Variants in SAMD12 observed in about 807,000 individuals in gnomAD.
SAMD12 encodes the protein sterile alpha motif domain-containing protein 12.
SAMD12 carries 9 observed loss-of-function variants against 15.0 expected under a neutral mutation model. The observed-to-expected ratio is 0.60, with a 90% confidence interval of 0.36 to 1.05. The LOEUF (loss-of-function observed/expected upper bound fraction) is 1.05. SAMD12 is among the 50% of genes least tolerant of loss of function. SAMD12 has a pLI of 0.01. For synonymous variants in SAMD12, 86 were observed against 90.1 expected, an observed-to-expected ratio of 0.96 and a Z score of 0.25; for missense variants, 230 against 234.2, an observed-to-expected ratio of 0.98 and a Z score of 0.12.
chr8:118,406,181 G>A (rs1463705823), intron 3 of SAMD12, among the ~76,000 whole-genome samples: 6 of 150,816 alleles, frequency 4.0e-5, no homozygotes, highest in African/African-American at 1.5e-4. Context: ...TTCTTATCAG[G>A]AAATTAGATT....
At chr8:118,508,303 C>T (rs1424880234) in intron 2 of SAMD12, among the ~76,000 whole-genome samples, 2 of 151,996 alleles carry the variant, frequency 1.3e-5, no homozygotes, top group Non-Finnish European at 1.5e-5. Context: ...ATGGGTGCAG[C>T]ACATCAACAT....
At chr8:118,559,719 G>T (rs1826652433) in intron 2 of SAMD12, among the ~76,000 whole-genome samples, 1 of 152,078 alleles carries the variant, frequency 6.6e-6, no homozygotes, top group Admixed American at 6.6e-5. Flanking sequence ...TTGTGTAGAA[G>T]TTAGGTGACA....
intron 4 of SAMD12, among the ~76,000 whole-genome samples, chr8:118,320,101 C>G (rs1816153934): frequency 6.6e-6 from 1 of 152,028 alleles, no homozygotes; most frequent in African/African-American, 2.4e-5. Context: ...AGCAAGAGAG[C>G]CCCTTGAAGA....
intron 1 of SAMD12, among the ~76,000 whole-genome samples, chr8:118,610,292 T>C (rs1279826507): frequency 6.6e-6 from 1 of 152,198 alleles, no homozygotes; most frequent in Non-Finnish European, 1.5e-5. Context: ...ATTAAGTAAT[T>C]TTTTGTTTTA....
At chr8:118,294,001 T>G (rs1306753936) in intron 4 of SAMD12, among the ~76,000 whole-genome samples, 2 of 152,212 alleles carry the variant, frequency 1.3e-5, no homozygotes, top group Non-Finnish European at 2.9e-5. Context: ...CAAAGTAACA[T>G]TTAGCAAAAC....
At chr8:118,152,866 C>T in the SAMD12 span, among the ~76,000 whole-genome samples, 1 of 152,160 alleles carries the variant, frequency 6.6e-6, no homozygotes, top group Non-Finnish European at 1.5e-5. Context: ...GATTTGTTCC[C>T]AGTGCTTTAT....
intron 2 of SAMD12, among the ~76,000 whole-genome samples, chr8:118,579,322 G>C (rs969379288): frequency 6.6e-5 from 10 of 152,022 alleles, no homozygotes; most frequent in African/African-American, 2.4e-4. Flanking sequence ...CTTTCAAGAT[G>C]CCCATGTATT....
chr8:118,549,382 C>T (rs1204066752), intron 2 of SAMD12, among the ~76,000 whole-genome samples: 4 of 152,262 alleles, frequency 2.6e-5, no homozygotes. Context: ...CGAAAAACCA[C>T]TGTTCTGCAG....
the SAMD12 span, among the ~76,000 whole-genome samples, chr8:118,163,327 G>A: frequency 2.0e-5 from 3 of 152,136 alleles, no homozygotes; most frequent in East Asian, 1.9e-4. Context: ...CAATCCTCCT[G>A]CTTCAGCCTC....
chr8:118,406,121 T>C (rs1030510729), intron 3 of SAMD12, among the ~76,000 whole-genome samples: 1 of 152,038 alleles, frequency 6.6e-6, no homozygotes, highest in Non-Finnish European at 1.5e-5. Context: ...AGAAGAGTCT[T>C]AAACAGGATA....
At chr8:118,593,703 G>A (rs1478102947) in intron 1 of SAMD12, among the ~76,000 whole-genome samples, 2 of 152,040 alleles carry the variant, frequency 1.3e-5, no homozygotes, top group African/African-American at 4.8e-5. Flanking sequence ...AAGTCAATGT[G>A]TTTTTTTCTG....
intron 1 of SAMD12, among the ~76,000 whole-genome samples, chr8:118,581,879 A>C (rs1827304818): frequency 6.6e-6 from 1 of 151,976 alleles, no homozygotes; most frequent in South Asian, 2.1e-4. Flanking sequence ...TCCTTTATTC[A>C]CAGAGAAGTT....
rs555386427 is a variant in SAMD12, at chr8:118,493,362, C to CT, written c.193-53402dup. On this transcript the variant is annotated intron_variant, in intron 2 of 3. Coordinates refer to ENST00000314727, the MANE Select transcript of SAMD12 (RefSeq NM_207506.3). The stretch of plus-strand genomic sequence containing the variant: ...TCACCAGCACAAAACTCTAAACATT[C>CT]TTTCCTTTCACTGGCCTACTTTTGC... 2.6e-3 allele frequency among the ~76,000 whole-genome samples: 403 copies of CT among 152,276 alleles called. 6 individuals carry two copies. Among genetic ancestry groups the CT allele is most frequent in the African/African-American group, 9.2e-3 (383 of 41,566 alleles).
At chr8:118,444,008 G>A (rs764089440) in intron 2 of SAMD12, among the ~76,000 whole-genome samples, 37 of 152,094 alleles carry the variant, frequency 2.4e-4, no homozygotes, top group Non-Finnish European at 3.7e-4. Flanking sequence ...CGACCGCCTC[G>A]TCTCCTTTCC....
At chr8:118,489,104 T>C (rs1265590898) in intron 2 of SAMD12, among the ~76,000 whole-genome samples, 1 of 152,168 alleles carries the variant, frequency 6.6e-6, no homozygotes, top group Non-Finnish European at 1.5e-5. Flanking sequence ...CTGTGATAAG[T>C]AATGATTATG....
intron 4 of SAMD12, among the ~76,000 whole-genome samples, chr8:118,372,583 C>G (rs931390814): frequency 6.6e-6 from 1 of 152,034 alleles, no homozygotes; most frequent in African/African-American, 2.4e-5. Context: ...AATTCCACTT[C>G]TAGATATTTA....
chr8:118,404,753 T>C (rs1025878958), intron 3 of SAMD12, among the ~76,000 whole-genome samples: 1 of 152,206 alleles, frequency 6.6e-6, no homozygotes, highest in Non-Finnish European at 1.5e-5. Context: ...AAGGGTCATC[T>C]GGGGATTTTA....
At chr8:118,284,538 C>T (rs781218376) in intron 4 of SAMD12, 14 of 336,176 alleles carry the variant, frequency 4.2e-5, no homozygotes, top group Non-Finnish European at 8.2e-5. Flanking sequence ...TCAAGACTGA[C>T]TGGAAATGGT....
intron 3 of SAMD12, among the ~76,000 whole-genome samples, chr8:118,420,946 T>C (rs191334266): frequency 7.9e-5 from 12 of 152,318 alleles, no homozygotes; most frequent in Admixed American, 7.8e-4. Flanking sequence ...CTTCTTTCAT[T>C]TATATACTAC....
Sources: gnomAD v4.1 joint callset for allele counts (sites outside exome capture counted in the v4.1 genomes callset) on GRCh38, gnomAD v4.1.1 for gene constraint, MANE v1.5 for transcripts, NCBI Gene and HGNC (gene_info 2026-07-23, HGNC 2026-07-21) for gene names.